The following HDAC9 variants were observed in gnomAD, a reference collection of about 807,000 sequenced individuals.
The protein encoded by HDAC9 is histone deacetylase 9, also known as MEF-2 interacting transcription repressor (MITR) protein.
Under a neutral mutation model 139.4 loss-of-function variants are expected in HDAC9, and 41 were observed. The observed-to-expected ratio is 0.29, with a 90% confidence interval of 0.23 to 0.38. HDAC9 has a LOEUF of 0.38. Among genes scored for constraint, HDAC9 ranks in the 10% least tolerant of loss-of-function variants. The pLI is 1.00. For missense variants in HDAC9, 1,147 were observed against 1,297.0 expected (o/e 0.88, Z 1.78); for synonymous variants, 517 against 476.2 (o/e 1.09, Z -1.12).
intron 1 of HDAC9, among the ~76,000 whole-genome samples, chr7:18,311,547 G>C (rs988585244): frequency 1.3e-5 from 2 of 152,070 alleles, no homozygotes; most frequent in African/African-American, 4.8e-5. Flanking sequence ...TACAGATGAG[G>C]AAATAGGCAC....
intron 25 of HDAC9, 92 bp from the exon 26 acceptor site, chr7:18,995,931 G>C: frequency 1.1e-6 from 1 of 871,242 alleles, no homozygotes; most frequent in Non-Finnish European, 1.8e-6. Flanking sequence ...ACATCAGAGA[G>C]AGCTGAAAAA....
At chr7:18,991,384 T>A (rs1271897038) in intron 25 of HDAC9, among the ~76,000 whole-genome samples, 1 of 152,212 alleles carries the variant, frequency 6.6e-6, no homozygotes, top group Non-Finnish European at 1.5e-5. Flanking sequence ...CTCATGCCTG[T>A]AATCCCAGTG....
chr7:18,503,053 C>T (rs1264123083), intron 2 of HDAC9, among the ~76,000 whole-genome samples: 1 of 152,128 alleles, frequency 6.6e-6, no homozygotes, highest in East Asian at 1.9e-4. Context: ...ATAAGCACTA[C>T]ATTTTAACAT....
chr7:18,596,227 A>G (rs1832455138), intron 6 of HDAC9, among the ~76,000 whole-genome samples: 1 of 152,118 alleles, frequency 6.6e-6, no homozygotes, highest in South Asian at 2.1e-4. Flanking sequence ...TTGAACAGCC[A>G]TTAATACTTT....
chr7:18,123,474 T>C (rs974619845), intron 1 of HDAC9, among the ~76,000 whole-genome samples: 1 of 152,190 alleles, frequency 6.6e-6, no homozygotes. Context: ...ATTTAAACCA[T>C]ATCGTACAAT....
intron 13 of HDAC9, among the ~76,000 whole-genome samples, chr7:18,747,651 G>A (rs185681022): frequency 1.3e-5 from 2 of 152,152 alleles, no homozygotes; most frequent in Non-Finnish European, 2.9e-5. Flanking sequence ...TGCTCATAAG[G>A]GAGGTCAGTC....
At chr7:18,947,593 A>G (rs1033312758) in intron 23 of HDAC9, among the ~76,000 whole-genome samples, 31 of 152,024 alleles carry the variant, frequency 2.0e-4, no homozygotes, top group Non-Finnish European at 1.0e-4. Flanking sequence ...AATTACTTAC[A>G]AAACTGGGTT....
chr7:18,216,094 G>A (rs1749580711), intron 2 of HDAC9, among the ~76,000 whole-genome samples: 1 of 144,204 alleles, frequency 6.9e-6, no homozygotes, highest in Admixed American at 6.9e-5. Context: ...GTGTATGTGT[G>A]TGCCTGCGTG....
At chr7:18,420,063 C>A (rs1220035427) in intron 1 of HDAC9, among the ~76,000 whole-genome samples, 1 of 152,022 alleles carries the variant, frequency 6.6e-6, no homozygotes, top group African/African-American at 2.4e-5. Flanking sequence ...GAAAGAGAAG[C>A]GGACCTGTGT....
intron 21 of HDAC9, among the ~76,000 whole-genome samples, chr7:18,873,047 A>C (rs1799052290): frequency 6.6e-6 from 1 of 152,126 alleles, no homozygotes; most frequent in African/African-American, 2.4e-5. Context: ...ATATCCCAAC[A>C]TACACCACAA....
intron 1 of HDAC9, among the ~76,000 whole-genome samples, chr7:18,102,212 G>C (rs777602063): frequency 4.6e-5 from 7 of 152,094 alleles, no homozygotes; most frequent in Non-Finnish European, 1.0e-4. Flanking sequence ...TGGCAGTAAG[G>C]GCACAATTGA....
At chr7:18,333,904 A>C (rs1390832779) in intron 1 of HDAC9, among the ~76,000 whole-genome samples, 2 of 151,352 alleles carry the variant, frequency 1.3e-5, no homozygotes, top group Non-Finnish European at 3.0e-5. Flanking sequence ...TTTAAAAATG[A>C]GTAAAGAAGT....
intron 2 of HDAC9, among the ~76,000 whole-genome samples, chr7:18,248,067 C>T (rs2128195230): frequency 6.6e-6 from 1 of 152,088 alleles, no homozygotes; most frequent in South Asian, 2.1e-4. Context: ...ATTTTAAGGC[C>T]TTTACAGTGT....
chr7:18,842,284 G>A (rs1266945727), intron 21 of HDAC9, among the ~76,000 whole-genome samples: 1 of 152,036 alleles, frequency 6.6e-6, no homozygotes, highest in Non-Finnish European at 1.5e-5. Context: ...TTGCCAATAT[G>A]AAATACTGTA....
intron 6 of HDAC9, among the ~76,000 whole-genome samples, chr7:18,606,165 G>C (rs1016717114): frequency 6.6e-6 from 1 of 152,116 alleles, no homozygotes; most frequent in African/African-American, 2.4e-5. Context: ...ATTTTAGCAT[G>C]GCAGTTTGCC....
chr7:18,921,066 T>G (rs1172400303), intron 22 of HDAC9, among the ~76,000 whole-genome samples: 1 of 152,022 alleles, frequency 6.6e-6, no homozygotes, highest in Admixed American at 6.6e-5. Flanking sequence ...TCCTTACACC[T>G]TATACAAAAA....
chr7:18,613,230 AT>A (rs897340592), intron 6 of HDAC9, among the ~76,000 whole-genome samples: 8 of 151,688 alleles, frequency 5.3e-5, no homozygotes, highest in African/African-American at 1.7e-4. Context: ...TAGTTTTGTC[AT>A]TTTTTTAAGA....
At chr7:18,562,372 A>C (rs1431179561) in intron 2 of HDAC9, among the ~76,000 whole-genome samples, 1 of 152,074 alleles carries the variant, frequency 6.6e-6, no homozygotes, top group African/African-American at 2.4e-5. Flanking sequence ...TTACCTAATA[A>C]ACCATAGCTT....
chr7:18,220,643 G>T (rs1409886987), intron 2 of HDAC9, among the ~76,000 whole-genome samples: 2 of 152,206 alleles, frequency 1.3e-5, no homozygotes, highest in Admixed American at 1.3e-4. Context: ...TAGAGAATCT[G>T]TGTTTGGGAT....
Sources: gnomAD v4.1 joint callset for allele counts (sites outside exome capture counted in the v4.1 genomes callset) on GRCh38, gnomAD v4.1.1 for gene constraint, MANE v1.5 for transcripts, NCBI Gene and HGNC (gene_info 2026-07-23, HGNC 2026-07-21) for gene names.